CFAP54: variants seen among roughly 807,000 people sequenced by gnomAD.
The protein encoded by CFAP54 is cilia and flagella associated protein 54, also known as cilia- and flagella-associated protein 54.
A neutral mutation model predicts 370.4 loss-of-function variants in CFAP54; 290 were observed. The ratio of observed to expected loss-of-function variants is 0.78; its 90% confidence interval spans 0.71 to 0.86. The LOEUF (loss-of-function observed/expected upper bound fraction) is 0.86, where lower values mean the gene tolerates loss of function less well. CFAP54 is among the 40% of genes least tolerant of loss of function. The probability of loss-of-function intolerance (pLI) is 0.00; values close to 1 mark genes in which losing one functional copy is unlikely to be tolerated. For missense variants in CFAP54, 3,399 were observed against 3,528.7 expected, an observed-to-expected ratio of 0.96 and a Z score of 0.93; for synonymous variants, 1,206 against 1,236.5, an observed-to-expected ratio of 0.98 and a Z score of 0.52.
intron 26 of CFAP54, among the ~76,000 whole-genome samples, chr12:96,620,928 T>G (rs1947449879): frequency 6.6e-6 from 1 of 152,224 alleles, no homozygotes; most frequent in Admixed American, 6.5e-5. Flanking sequence ...TTTGTAAGAT[T>G]AAAGTACAAG....
intron 57 of CFAP54, 85 bp downstream of exon 57, chr12:96,756,648 T>C: frequency 1.2e-6 from 1 of 846,550 alleles, no homozygotes; most frequent in East Asian, 2.6e-5. Flanking sequence ...CAAGGCTGGA[T>C]TGCTTGGGAT....
chr12:96,865,060 G>A (rs1410522679), intron 67 of CFAP54, among the ~76,000 whole-genome samples: 1 of 152,124 alleles, frequency 6.6e-6, no homozygotes, highest in Non-Finnish European at 1.5e-5. Flanking sequence ...ACTACTCTTT[G>A]CCATTTTCTC....
chr12:96,650,411 G>T (rs909392339), intron 35 of CFAP54, among the ~76,000 whole-genome samples: 1 of 151,906 alleles, frequency 6.6e-6, no homozygotes, highest in African/African-American at 2.4e-5. Context: ...TAATGCAAGG[G>T]GTTCCTCTAT....
chr12:96,837,009 A>G (rs1294233376), intron 66 of CFAP54, among the ~76,000 whole-genome samples: 1 of 152,104 alleles, frequency 6.6e-6, no homozygotes, highest in Admixed American at 6.6e-5. Context: ...TTTTATAGCA[A>G]TGAGGTCCCA....
At chr12:96,541,411 G>A (rs769337491) in intron 14 of CFAP54, among the ~76,000 whole-genome samples, 2 of 150,968 alleles carry the variant, frequency 1.3e-5, no homozygotes. Flanking sequence ...TCAGCCTCCC[G>A]AGTAGCTGGG....
Position 96,740,045 on chromosome 12 carries a change from T to C in CFAP54, c.7055T>C (p.Val2352Ala). ...GTACAGGATGACACAGAGAATCCTG[T>C]CTCTCCAGGAACTTCTGTAAGTATG... is the stretch of plus-strand genomic sequence containing the variant. Reference protein sequence around the residue: ...KVVQDDTENPVSPGTSVTENK... With the variant: ...KVVQDDTENPASPGTSVTENK... The change falls in exon 51 of 68, where the codon GTC (valine) becomes GCC (alanine). Residue 2352 changes from valine (V) to alanine (A), a missense_variant. By Grantham distance (64) the Val-to-Ala change is moderately conservative. This residue lies in a region of CFAP54 where 2,796 missense variants were observed against 2,869.7 expected (regional missense o/e 0.97). Transcript: ENST00000524981. 1 of 1,592,162 alleles carries C rather than the reference T, an allele frequency of 6.3e-7. No homozygotes were observed. Among genetic ancestry groups the C allele is most frequent in the Non-Finnish European group, 8.6e-7 (1 of 1,162,730 alleles).
chr12:96,805,390 GAA>G, intron 63 of CFAP54, among the ~76,000 whole-genome samples: 1 of 149,964 alleles, frequency 6.7e-6, no homozygotes, highest in South Asian at 2.1e-4. Flanking sequence ...AGCTCAACAA[GAA>G]AAAAAAACCA....
At chr12:96,872,415 A>G (rs1274821283) in intron 67 of CFAP54, among the ~76,000 whole-genome samples, 1 of 152,184 alleles carries the variant, frequency 6.6e-6, no homozygotes, top group Admixed American at 6.5e-5. Flanking sequence ...AGATTGTTCT[A>G]TTTTAAATAA....
At chr12:96,820,652 G>A (rs1959022392) in intron 65 of CFAP54, among the ~76,000 whole-genome samples, 1 of 152,150 alleles carries the variant, frequency 6.6e-6, no homozygotes, top group African/African-American at 2.4e-5. Flanking sequence ...GCTTAATGAT[G>A]TACTGAGTGC....
At chr12:96,829,258 A>G (rs1050311624) in intron 66 of CFAP54, among the ~76,000 whole-genome samples, 170 bp downstream of exon 66, 1 of 152,172 alleles carries the variant, frequency 6.6e-6, no homozygotes, top group Non-Finnish European at 1.5e-5. Flanking sequence ...GGTTAAAAAA[A>G]TTATGTGTTC....
intron 19 of CFAP54, among the ~76,000 whole-genome samples, chr12:96,572,362 C>T (rs1034355022): frequency 2.6e-5 from 4 of 151,370 alleles, no homozygotes; most frequent in South Asian, 2.1e-4. Flanking sequence ...GAGAAGAGGA[C>T]GTGAGATGCT....
At chr12:96,499,941 C>T (rs1955006036) in intron 1 of CFAP54, among the ~76,000 whole-genome samples, 1 of 137,960 alleles carries the variant, frequency 7.2e-6, no homozygotes, top group Non-Finnish European at 1.6e-5. Flanking sequence ...AGCAAGACTC[C>T]ATCTCAAAAA....
At chr12:96,665,447 T>A (rs537736193) in intron 39 of CFAP54, among the ~76,000 whole-genome samples, 1 of 152,278 alleles carries the variant, frequency 6.6e-6, no homozygotes, top group South Asian at 2.1e-4. Flanking sequence ...GCTTCTATAG[T>A]TTTGGGTTTT....
intron 50 of CFAP54, among the ~76,000 whole-genome samples, chr12:96,729,160 G>A (rs889486639): frequency 2.7e-4 from 41 of 152,300 alleles, no homozygotes; most frequent in African/African-American, 8.7e-4. Flanking sequence ...CAGTCTGCCC[G>A]TTCTCAGATC....
At chr12:96,770,607 C>T (rs1052717677) in intron 60 of CFAP54, among the ~76,000 whole-genome samples, 4 of 152,232 alleles carry the variant, frequency 2.6e-5, no homozygotes, top group African/African-American at 9.6e-5. Flanking sequence ...CTACCCTTAG[C>T]AGGGCCCAGG....
chr12:96,708,755 A>G lies in CFAP54; in HGVS notation c.6676A>G (p.Lys2226Glu), dbSNP rs748122140. ...TINCVPENKFKTVITNKSKPN... is the reference protein window; with the variant it reads ...TINCVPENKFETVITNKSKPN... ...AAATTGTGTCCCAGAAAATAAATTT[A>G]AGACAGTAATTACCAACAAGAGCAA... The change falls in exon 48 of 68, where the codon AAG becomes GAG. Residue 2226 changes from lysine (K) to glutamate (E), a missense_variant. Lys to Glu is a moderately conservative substitution (Grantham distance 56). This residue lies in a region of CFAP54 where 2,796 missense variants were observed against 2,869.7 expected (regional missense o/e 0.97). Transcript: ENST00000524981. 1.9e-6 allele frequency: 3 copies of G among 1,611,384 alleles called. No individual in the cohort carries two copies. Among genetic ancestry groups the G allele is most frequent in the Admixed American group, 3.4e-5 (2 of 59,694 alleles).
chr12:96,701,066 T>C (rs1167235817), intron 46 of CFAP54, among the ~76,000 whole-genome samples: 1 of 152,164 alleles, frequency 6.6e-6, no homozygotes, highest in Admixed American at 6.5e-5. Flanking sequence ...TTTATTGTAA[T>C]AGGGGATGAG....
intron 14 of CFAP54, among the ~76,000 whole-genome samples, chr12:96,543,885 G>A (rs1314124506): frequency 6.6e-6 from 1 of 152,110 alleles, no homozygotes; most frequent in African/African-American, 2.4e-5. Context: ...GCTATCAGAG[G>A]TATCACTCAG....
chr12:96,765,375 G>GTGAGCTA, intron 60 of CFAP54, 157 bp downstream of exon 60: 1 of 492,546 alleles, frequency 2.0e-6, no homozygotes, highest in Non-Finnish European at 3.5e-6. Flanking sequence ...GGCCAAAATA[G>GTGAGCTA]AGGGCTCTTA....
Sources: gnomAD v4.1 joint callset for allele counts (sites outside exome capture counted in the v4.1 genomes callset) on GRCh38, gnomAD v4.1.1 for gene constraint, gnomAD v4.1.1 regional missense constraint, MANE v1.5 for transcripts, NCBI Gene and HGNC (gene_info 2026-07-23, HGNC 2026-07-21) for gene names.